MYH3: variants seen among roughly 807,000 people sequenced by gnomAD.
MYH3 encodes the protein myosin heavy chain 3.
In MYH3, 130 loss-of-function variants were observed where a neutral mutation model predicts 238.0. The ratio of observed to expected loss-of-function variants is 0.55; its 90% CI spans 0.47 to 0.63. MYH3 has a LOEUF of 0.63. MYH3 is among the 30% of genes least tolerant of loss of function. MYH3 has a pLI of 0.00. For missense variants in MYH3, 1,853 were observed against 2,374.9 expected, an observed-to-expected ratio of 0.78 and a Z score of 4.57; for synonymous variants, 880 against 924.1, an observed-to-expected ratio of 0.95 and a Z score of 0.86.
At chr17:10,663,414 C>T in the MYH3 span, among the ~76,000 whole-genome samples, 42,864 of 152,030 alleles carry the variant, frequency 0.28, 8,555 homozygotes, top group East Asian at 0.63. Context: ...TGTGAAGAGG[C>T]ATTCATGTGG....
intron 7 of MYH3, among the ~76,000 whole-genome samples, 160 bp downstream of exon 7, chr17:10,649,417 C>T (rs914274598): frequency 1.2e-4 from 19 of 152,188 alleles, no homozygotes; most frequent in Non-Finnish European, 2.5e-4. Flanking sequence ...CTTGACACTG[C>T]GTTGTCTAAG....
the MYH3 span, chr17:10,676,931 G>T: frequency 6.6e-6 from 1 of 152,166 alleles, no homozygotes; most frequent in Non-Finnish European, 1.5e-5. Context: ...GGCTAAAGAG[G>T]CTATTACTTG....
At position 10,640,556 on chromosome 17, in the gene MYH3, G is replaced by A; in HGVS notation, c.2289+7C>T. On this transcript the variant is annotated splice_region_variant and intron_variant, in intron 20 of 40. Coordinates refer to ENST00000583535, the MANE Select transcript of MYH3 (RefSeq NM_002470.4). ...AAGGCCAGCATCTGTCAGAACTGAT[G>A]CATTACCTTGGTATGTCCAAATTTG... is the stretch of plus-strand genomic sequence containing the variant. 1 of 1,614,248 alleles carries A rather than the reference G, an allele frequency of 6.2e-7. No individual in the cohort carries two copies. Among genetic ancestry groups the A allele is most frequent in the African/African-American group, 1.3e-5 (1 of 75,072 alleles).
chr17:10,666,989 T>C, the MYH3 span, among the ~76,000 whole-genome samples: 24 of 152,142 alleles, frequency 1.6e-4, no homozygotes, highest in African/African-American at 5.6e-4. Context: ...TGCTTACCTT[T>C]CCCTATTTAA....
At chr17:10,652,747 A>G (rs549827918) in intron 3 of MYH3, among the ~76,000 whole-genome samples, 184 bp from the exon 4 acceptor site, 1 of 150,336 alleles carries the variant, frequency 6.7e-6, no homozygotes, top group Non-Finnish European at 1.5e-5. Flanking sequence ...TCAGCCTCCC[A>G]AGTAGCTGGG....
At chr17:10,664,416 C>T in the MYH3 span, among the ~76,000 whole-genome samples, 1 of 152,046 alleles carries the variant, frequency 6.6e-6, no homozygotes, top group Non-Finnish European at 1.5e-5. Context: ...GATGTCAGAG[C>T]CTTGCAGAGA....
At chr17:10,658,281 G>T (rs576601770), upstream of MYH3, among the ~76,000 whole-genome samples, 2 of 152,150 alleles carry the variant, frequency 1.3e-5, no homozygotes, top group Non-Finnish European at 2.9e-5. Flanking sequence ...AAATCTTTGG[G>T]AGGATGGCTG....
Position 10,639,189 on chromosome 17 carries a change from G to C in MYH3, c.3103C>G (p.Leu1035Val). The change falls in exon 25 of 41, where the codon CTG becomes GTG. Residue 1035 changes from leucine to valine, a missense_variant and splice_region_variant. Transcript: ENST00000583535. ...TTTTCTTGTTCTAGGGAGCTTTCCA[G>C]CTGAAAAAGGCACCATTTCCTTTTG... ...KSKLEQQVED[L>V]ESSLEQEKKL... The C allele has an allele frequency of 6.2e-7, 1 of 1,614,120 alleles. No homozygotes were observed. The highest frequency in any genetic ancestry group is 8.5e-7 in the Non-Finnish European group (1 of 1,179,986).
At chr17:10,652,366 C>T in intron 4 of MYH3, 54 bp downstream of exon 4, 2 of 1,602,520 alleles carry the variant, frequency 1.2e-6, no homozygotes, top group South Asian at 1.1e-5. Context: ...TGCCTCCCTC[C>T]CCTGCCCGCA....
At position 10,642,823 on chromosome 17, in the gene MYH3, T is replaced by C. The variant is rs2074285657; in HGVS notation, c.1581+3A>G. 6.2e-7 allele frequency: 1 copy of C among 1,614,122 alleles called. No homozygotes were observed. Among genetic ancestry groups the C allele is most frequent in the Non-Finnish European group, 8.5e-7 (1 of 1,180,006 alleles). ...AGCTTACGGTGGGGATGGAACTGGA[T>C]ACCTTCTCGATGAGCTCGATGCAGG... is the stretch of plus-strand genomic sequence containing the variant. On this transcript the variant is annotated splice_donor_region_variant and intron_variant, in intron 15 of 40. Coordinates refer to ENST00000583535, the MANE Select transcript of MYH3 (RefSeq NM_002470.4). The surrounding 1 kb of genome is among the most constrained non-coding windows in gnomAD (Gnocchi z 5.4).
chr17:10,650,266 GC>G, intron 6 of MYH3, 107 bp downstream of exon 6: 1 of 1,162,654 alleles, frequency 8.6e-7, no homozygotes, highest in Non-Finnish European at 1.3e-6. Context: ...GTCAGCCACC[GC>G]GCCCAGCCTG....
At chr17:10,628,933 T>C (rs1219687731) in intron 40 of MYH3, among the ~76,000 whole-genome samples, 1 of 152,230 alleles carries the variant, frequency 6.6e-6, no homozygotes, top group African/African-American at 2.4e-5. Context: ...CAGCGGGCTC[T>C]GGAGGGGGCT....
intron 31 of MYH3, 71 bp from the exon 32 acceptor site, chr17:10,634,253 C>T: frequency 6.4e-7 from 1 of 1,572,618 alleles, no homozygotes; most frequent in Non-Finnish European, 8.7e-7. Flanking sequence ...TACTAAATAA[C>T]TAAATTAAAT....
At chr17:10,655,930 G>A (rs894522940) in intron 2 of MYH3, among the ~76,000 whole-genome samples, 160 bp downstream of exon 2, 1 of 152,174 alleles carries the variant, frequency 6.6e-6, no homozygotes, top group Non-Finnish European at 1.5e-5. Context: ...GATTACAGGT[G>A]TGAGCCATTG....
At chr17:10,650,511 C>A in intron 5 of MYH3, 110 bp from the exon 6 acceptor site, 6 of 1,028,380 alleles carry the variant, frequency 5.8e-6, no homozygotes, top group Non-Finnish European at 8.9e-6. Context: ...TCTTCCTTTA[C>A]ATTTTTTGTT....
In MYH3 at chr17:10,641,042, G is replaced by A. The variant is rs150400116; in HGVS notation, c.2165+43C>T. 43 of 1,415,672 alleles carry A rather than the reference G, an allele frequency of 3.0e-5. No individual in the cohort carries two copies. In the East Asian group the frequency reaches 3.4e-4, roughly 11 times the overall value. The allele number at this position is 1,415,672 out of a possible 1,614,324, so 87.7% of individuals were successfully genotyped here. A position where few individuals can be genotyped will look rare whatever the true frequency, so the allele number is the denominator to read the frequency against. On this transcript the variant is annotated intron_variant, in intron 19 of 40. Transcript: ENST00000583535. ...TTCTCCCTCTCAAATTCCAGTGTTC[G>A]TACATCTCATCCCCAAGCATATAGA...
At chr17:10,655,192 C>G in intron 2 of MYH3, 120 bp from the exon 3 acceptor site, 1 of 799,818 alleles carries the variant, frequency 1.3e-6, no homozygotes, top group Admixed American at 1.9e-5. Flanking sequence ...AGAGTCAGGG[C>G]CCCAGGAACC....
chr17:10,665,718 G>A, the MYH3 span, among the ~76,000 whole-genome samples: 1 of 152,136 alleles, frequency 6.6e-6, no homozygotes, highest in Admixed American at 6.5e-5. Flanking sequence ...ATATATAAAT[G>A]TAATGCAGTC....
In MYH3 at chr17:10,644,443, T is replaced by C. The variant is rs773427750; in HGVS notation, c.1318A>G (p.Met440Val). 28 of 1,613,948 alleles carry C rather than the reference T, an allele frequency of 1.7e-5. No individual in the cohort carries two copies. The highest frequency in any genetic ancestry group is 3.4e-6 in the Non-Finnish European group (4 of 1,179,908). The stretch of plus-strand genomic sequence containing the variant: ...AGTTGCTGGTTAATGCGAGTGACCA[T>C]CCACAAGAACAACTTTTCATAAACT... ...KSVYEKLFLW[M>V]VTRINQQLDT... The change falls in exon 14 of 41, where the codon ATG (methionine) becomes GTG (valine). Residue 440 changes from methionine to valine, a missense_variant. By Grantham distance (21) the Met-to-Val change is conservative. Transcript: ENST00000583535.
Sources: allele counts gnomAD v4.1 joint callset (sites outside exome capture counted in the v4.1 genomes callset), GRCh38; gene constraint gnomAD v4.1.1; non-coding constraint Gnocchi (gnomAD v3.1); transcripts MANE v1.5; gene names NCBI Gene and HGNC (gene_info 2026-07-23, HGNC 2026-07-21).